GINM1: variants seen among roughly 807,000 people sequenced by gnomAD.
The protein encoded by GINM1 is glycoprotein integral membrane protein 1.
Under a neutral mutation model 37.8 loss-of-function variants are expected in GINM1, and 29 were observed. The observed-to-expected ratio is 0.77, with a 90% CI of 0.57 to 1.05. GINM1 has a LOEUF of 1.05. GINM1 is among the 50% of genes least tolerant of loss of function. The pLI is 0.00. For synonymous variants in GINM1, 143 were observed against 146.2 expected, an observed-to-expected ratio of 0.98 and a Z score of 0.16; for missense variants, 377 against 397.9, an observed-to-expected ratio of 0.95 and a Z score of 0.45.
intron 4 of GINM1, 27 bp downstream of exon 4, chr6:149,579,000 AAT>A: frequency 1.5e-6 from 2 of 1,365,334 alleles, no homozygotes; most frequent in Non-Finnish European, 2.1e-6. Flanking sequence ...ATTAATTGGG[AAT>A]TAAATGATAT....
In GINM1 at chr6:149,590,804, G is replaced by T. The variant is rs1778143236; in HGVS notation, c.959G>T (p.Arg320Ile). 1 of 1,599,944 alleles carries T rather than the reference G, an allele frequency of 6.3e-7. No individual in the cohort carries two copies. Among genetic ancestry groups the T allele is most frequent in the African/African-American group, 1.3e-5 (1 of 74,620 alleles). Residue 320 changes from arginine (R) to isoleucine (I), a missense_variant, in exon 8 of 8, where the codon AGA becomes ATA. Transcript: ENST00000367419. ...TTATATCCAGATGGTCCAGAGAAAA[G>T]AGCTGAAAACCTTGAAGATAAAACA... ...INLYPDGPEK[R>I]AENLEDKTCI
At chr6:149,583,576 C>T (rs1778031222) in intron 7 of GINM1, among the ~76,000 whole-genome samples, 1 of 151,460 alleles carries the variant, frequency 6.6e-6, no homozygotes, top group Non-Finnish European at 1.5e-5. Context: ...TTGTGGTGAG[C>T]CGAGATCGCG....
At chr6:149,573,097 C>T (rs1777856082) in intron 3 of GINM1, among the ~76,000 whole-genome samples, 1 of 152,074 alleles carries the variant, frequency 6.6e-6, no homozygotes. Context: ...CCGAGGTGGG[C>T]AGATCACGAG....
chr6:149,578,157 G>A (rs1312132183), intron 3 of GINM1: 1 of 152,168 alleles, frequency 6.6e-6, no homozygotes, highest in African/African-American at 2.4e-5. Context: ...TAAAACGTGG[G>A]ATTGGCTGTA....
In GINM1 at chr6:149,587,608, G is replaced by T. The variant is rs944972672; in HGVS notation, c.882-3119G>T. On this transcript the variant is annotated intron_variant, in intron 7 of 7. Transcript: ENST00000367419. ...AAGTGCATAGGGCAAGACATGGGGA[G>T]GGGGAGAGGGGTTCAGAGCTTCCCT... 3.3e-5 allele frequency among the ~76,000 whole-genome samples: 5 copies of T among 152,320 alleles called. 1 individual carries two copies. In the South Asian group the frequency reaches 1.0e-3, roughly 32 times the overall value.
chr6:149,590,068 G>T (rs1778131310), intron 7 of GINM1, among the ~76,000 whole-genome samples: 1 of 152,114 alleles, frequency 6.6e-6, no homozygotes. Context: ...CTCCCAAAGT[G>T]CTGGGATTAT....
chr6:149,568,955 C>T (rs1263831387), intron 1 of GINM1, among the ~76,000 whole-genome samples: 1 of 151,972 alleles, frequency 6.6e-6, no homozygotes, highest in East Asian at 1.9e-4. Context: ...TCTCAGCCTC[C>T]TGAGTAGCTG....
At chr6:149,580,419 TTAGTTTA>T (rs1347690738) in intron 5 of GINM1, among the ~76,000 whole-genome samples, 167 bp from the exon 6 acceptor site, 2 of 152,262 alleles carry the variant, frequency 1.3e-5, no homozygotes, top group African/African-American at 4.8e-5. Flanking sequence ...TATACGTGTC[TTAGTTTA>T]TAGTTCTCTT....
chr6:149,570,203 T>C (rs1477989961), intron 1 of GINM1, among the ~76,000 whole-genome samples: 1 of 117,084 alleles, frequency 8.5e-6, no homozygotes, highest in Non-Finnish European at 1.7e-5. Flanking sequence ...TATATAAAGT[T>C]CAGTAACTTG....
intron 3 of GINM1, among the ~76,000 whole-genome samples, chr6:149,574,103 T>A (rs1777873685): frequency 1.3e-5 from 2 of 149,856 alleles, no homozygotes; most frequent in Non-Finnish European, 3.0e-5. Context: ...CAGGCTGGAA[T>A]GCAGTGGCGC....
intron 7 of GINM1, among the ~76,000 whole-genome samples, chr6:149,588,895 C>T (rs553280854): frequency 6.6e-6 from 1 of 152,232 alleles, no homozygotes; most frequent in African/African-American, 2.4e-5. Context: ...CCTCCACCTC[C>T]TGGTTTCAAG....
At chr6:149,574,382 G>C in intron 3 of GINM1, among the ~76,000 whole-genome samples, 1 of 151,666 alleles carries the variant, frequency 6.6e-6, no homozygotes, top group East Asian at 2.0e-4. Context: ...CTGTCTTTTA[G>C]TTGGGATTTT....
At chr6:149,589,104 A>AT (rs1778115347) in intron 7 of GINM1, among the ~76,000 whole-genome samples, 1 of 151,016 alleles carries the variant, frequency 6.6e-6, no homozygotes, top group Admixed American at 6.6e-5. Context: ...GTGCCCAGCC[A>AT]TTTTTTTAAA....
chr6:149,589,886 C>T (rs1778129482), intron 7 of GINM1, among the ~76,000 whole-genome samples: 1 of 152,048 alleles, frequency 6.6e-6, no homozygotes, highest in Non-Finnish European at 1.5e-5. Context: ...GCAACCTCCA[C>T]TTCCCGGGTT....
chr6:149,582,978 T>TGTA (rs58569231), intron 7 of GINM1, among the ~76,000 whole-genome samples: 81,095 of 151,740 alleles, frequency 0.53, 25,101 homozygotes, highest in East Asian at 0.86. Context: ...CAGTTTAAAA[T>TGTA]GTTAATTTCA....
intron 1 of GINM1, among the ~76,000 whole-genome samples, chr6:149,568,919 C>T (rs1430822571): frequency 2.0e-5 from 3 of 152,142 alleles, no homozygotes; most frequent in Non-Finnish European, 4.4e-5. Context: ...GCAGCCTCTG[C>T]CTCCCAGGTT....
Position 149,579,211 on chromosome 6 carries a change from G to T in GINM1, c.429+238G>T, listed in dbSNP as rs78838302. The stretch of plus-strand genomic sequence containing the variant: ...TAAAATGTACAGACATTATTAAATA[G>T]AAAGTAAGCAAAGAGATTCAATTTG... On this transcript the variant is annotated intron_variant, in intron 4 of 7. Coordinates refer to ENST00000367419, the MANE Select transcript of GINM1 (RefSeq NM_138785.5). 2.7e-3 allele frequency among the ~76,000 whole-genome samples: 404 copies of T among 152,242 alleles called. 1 individual carries two copies. Among genetic ancestry groups the T allele is most frequent in the Non-Finnish European group, 4.2e-3 (288 of 68,020 alleles).
chr6:149,585,637 G>C (rs1169623113), intron 7 of GINM1, among the ~76,000 whole-genome samples: 1 of 151,746 alleles, frequency 6.6e-6, no homozygotes. Context: ...CTGTCGCCCA[G>C]GCTGAAGTGC....
At chr6:149,582,710 A>G (rs1205462389) in intron 7 of GINM1, 107 bp downstream of exon 7, 3 of 765,382 alleles carry the variant, frequency 3.9e-6, no homozygotes, top group African/African-American at 3.6e-5. Context: ...AGGGTAAGAC[A>G]AATGGGAGGG....
Sources: allele counts gnomAD v4.1 joint callset (sites outside exome capture counted in the v4.1 genomes callset), GRCh38; gene constraint gnomAD v4.1.1; transcripts MANE v1.5; gene names NCBI Gene and HGNC (gene_info 2026-07-23, HGNC 2026-07-21).